Variants in ANKRD31 observed in about 807,000 individuals in gnomAD.
ANKRD31 encodes ankyrin repeat domain-containing protein 31.
ANKRD31 carries 147 observed loss-of-function variants against 186.0 expected under a neutral mutation model. That is an observed-to-expected ratio of 0.79 (90% CI 0.69 to 0.91). The LOEUF (loss-of-function observed/expected upper bound fraction) is 0.91. ANKRD31 is among the 40% of genes least tolerant of loss of function. The probability of loss-of-function intolerance (pLI) is 0.00; values close to 1 mark genes in which losing one functional copy is unlikely to be tolerated. For missense variants in ANKRD31, 1,986 were observed against 2,148.8 expected, an observed-to-expected ratio of 0.92 and a Z score of 1.50; for synonymous variants, 673 against 736.4, an observed-to-expected ratio of 0.91 and a Z score of 1.39.
chr5:75,118,354 T>C (rs1221231883), intron 17 of ANKRD31, 57 bp from the exon 18 acceptor site: 1 of 1,312,152 alleles, frequency 7.6e-7, no homozygotes, highest in Admixed American at 3.7e-5. Context: ...ATAATTTCTG[T>C]TTTCATCACA....
At chr5:75,133,919 G>C (rs9750343) in intron 17 of ANKRD31, among the ~76,000 whole-genome samples, 1 of 152,012 alleles carries the variant, frequency 6.6e-6, no homozygotes, top group East Asian at 1.9e-4. Context: ...ATGACTACTG[G>C]GTACATAACG....
chr5:75,217,552 G>T (rs1186219483), intron 3 of ANKRD31, among the ~76,000 whole-genome samples: 1 of 152,110 alleles, frequency 6.6e-6, no homozygotes, highest in East Asian at 1.9e-4. Flanking sequence ...CTTAAAGGCT[G>T]TTTTGTCTGA....
intron 10 of ANKRD31, among the ~76,000 whole-genome samples, chr5:75,180,889 G>A (rs1302079686): frequency 6.6e-6 from 1 of 152,072 alleles, no homozygotes; most frequent in Non-Finnish European, 1.5e-5. Flanking sequence ...AATGGGATTT[G>A]ATTAAACTAA....
chr5:75,197,426 T>C (rs1226397784), intron 6 of ANKRD31, among the ~76,000 whole-genome samples: 2 of 152,192 alleles, frequency 1.3e-5, no homozygotes, highest in African/African-American at 4.8e-5. Flanking sequence ...GTGCTGTAAT[T>C]TGTAAGCCTT....
At chr5:75,161,716 G>A (rs999717617) in intron 11 of ANKRD31, among the ~76,000 whole-genome samples, 1 of 152,288 alleles carries the variant, frequency 6.6e-6, no homozygotes, top group Admixed American at 6.5e-5. Context: ...CCCGGGCCAG[G>A]GCCAGGGTCC....
intron 19 of ANKRD31, among the ~76,000 whole-genome samples, chr5:75,113,743 C>T (rs1747969622): frequency 6.6e-6 from 1 of 152,146 alleles, no homozygotes. Context: ...AACAGTCTTA[C>T]TGCTGTCATT....
intron 25 of ANKRD31, among the ~76,000 whole-genome samples, chr5:75,070,584 A>G (rs780354239): frequency 2.6e-5 from 4 of 152,226 alleles, no homozygotes; most frequent in Non-Finnish European, 4.4e-5. Context: ...TACCACCAAC[A>G]GTATTATGAG....
chr5:75,159,605 T>C (rs1034939047), intron 11 of ANKRD31, among the ~76,000 whole-genome samples: 1 of 151,002 alleles, frequency 6.6e-6, no homozygotes, highest in Non-Finnish European at 1.5e-5. Flanking sequence ...GAAAAAAAAC[T>C]GCCAAGCAAG....
At chr5:75,083,731 CAA>C (rs34820557) in intron 24 of ANKRD31, among the ~76,000 whole-genome samples, 109 of 133,556 alleles carry the variant, frequency 8.2e-4, no homozygotes, top group African/African-American at 2.6e-3. Context: ...ACTCTCGTCT[CAA>C]AAAAAAAAAA....
At chr5:75,138,078 G>A in intron 16 of ANKRD31, 80 bp from the exon 17 acceptor site, 3 of 1,240,162 alleles carry the variant, frequency 2.4e-6, no homozygotes, top group Non-Finnish European at 3.1e-6. Flanking sequence ...CTAAGGTTTT[G>A]TTGCATTAAT....
intron 11 of ANKRD31, among the ~76,000 whole-genome samples, chr5:75,163,251 G>C (rs1203685026): frequency 6.6e-6 from 1 of 152,152 alleles, no homozygotes; most frequent in Non-Finnish European, 1.5e-5. Flanking sequence ...ACTACCCTAT[G>C]GGTATGATGC....
At chr5:75,220,973 G>A (rs1757263809) in intron 3 of ANKRD31, among the ~76,000 whole-genome samples, 1 of 152,016 alleles carries the variant, frequency 6.6e-6, no homozygotes, top group Non-Finnish European at 1.5e-5. Flanking sequence ...GGTGGCACGT[G>A]GTGGAATACT....
chr5:75,199,616 G>T lies in ANKRD31; in HGVS notation c.447+15C>A. ...CTCACAGTCTACATAGTTAATTTCT[G>T]TTATACAGACCAACCTTTTCTATGT... On this transcript the variant is annotated intron_variant, in intron 6 of 25. Transcript: ENST00000506364. 1 of 1,522,470 alleles carries T rather than the reference G, an allele frequency of 6.6e-7. No individual in the cohort carries two copies. Among genetic ancestry groups the T allele is most frequent in the African/African-American group, 1.4e-5 (1 of 72,374 alleles). The allele number at this position is 1,522,470 out of a possible 1,614,324, so 94.3% of individuals were successfully genotyped here.
chr5:75,086,474 T>C (rs1745490176), intron 23 of ANKRD31, among the ~76,000 whole-genome samples: 2 of 152,208 alleles, frequency 1.3e-5, no homozygotes, highest in South Asian at 2.1e-4. Context: ...GAACTAAATT[T>C]CTCTGGATTC....
At position 75,104,641 on chromosome 5, in the gene ANKRD31, C is replaced by G; in HGVS notation, c.4918G>C (p.Gly1640Arg). The change falls in exon 22 of 26, where the codon GGC becomes CGC. Residue 1640 changes from glycine (G) to arginine (R), a missense_variant. Coordinates refer to ENST00000506364, the MANE Select transcript of ANKRD31 (RefSeq NM_001372053.1). ...GCAGTTTCTGAAATATTTAATTTGCCGATTACTGGGGAAGAAACATAGAAT... is the reference window on the plus strand; with the variant it reads ...GCAGTTTCTGAAATATTTAATTTGCGGATTACTGGGGAAGAAACATAGAAT... ...HEFYVSSPVIGKLNISETASV... is the reference protein window; with the variant it reads ...HEFYVSSPVIRKLNISETASV... 1 of 1,535,962 alleles carries G rather than the reference C, an allele frequency of 6.5e-7. No individual in the cohort carries two copies. Among genetic ancestry groups the G allele is most frequent in the Non-Finnish European group, 8.7e-7 (1 of 1,146,444 alleles).
chr5:75,126,659 T>G (rs1367446604), intron 17 of ANKRD31, among the ~76,000 whole-genome samples: 2 of 152,162 alleles, frequency 1.3e-5, no homozygotes, highest in African/African-American at 4.8e-5. Flanking sequence ...TAATAAAAAT[T>G]GCCAAATTGT....
intron 5 of ANKRD31, among the ~76,000 whole-genome samples, chr5:75,200,402 A>T (rs905065310): frequency 6.7e-6 from 1 of 150,294 alleles, no homozygotes; most frequent in African/African-American, 2.5e-5. Context: ...AGTTCAAGTG[A>T]TTCTCCTGCC....
At chr5:75,138,395 A>C (rs897896757) in intron 16 of ANKRD31, among the ~76,000 whole-genome samples, 1 of 152,194 alleles carries the variant, frequency 6.6e-6, no homozygotes, top group Non-Finnish European at 1.5e-5. Context: ...TTCCCTGTGG[A>C]ATTCTTCAGA....
At chr5:75,074,352 G>T (rs1019758907) in intron 25 of ANKRD31, among the ~76,000 whole-genome samples, 1 of 152,104 alleles carries the variant, frequency 6.6e-6, no homozygotes, top group African/African-American at 2.4e-5. Context: ...TACTGCACTA[G>T]GTCTCCCTAA....
Sources: gnomAD v4.1 joint callset for allele counts (sites outside exome capture counted in the v4.1 genomes callset) on GRCh38, gnomAD v4.1.1 for gene constraint, MANE v1.5 for transcripts, NCBI Gene and HGNC (gene_info 2026-07-23, HGNC 2026-07-21) for gene names.